The following PUDP variants were observed in gnomAD, a reference collection of about 807,000 sequenced individuals.
PUDP encodes the protein pseudouridine-5'-phosphatase.
Under a neutral mutation model 9.4 loss-of-function variants are expected in PUDP, and 8 were observed. That is an observed-to-expected ratio of 0.85 (90% CI 0.50 to 1.53). The LOEUF is 1.53. Ranked by LOEUF, PUDP falls within the 40% of genes most tolerant of loss-of-function variation. The pLI is 0.00. For synonymous variants in PUDP, 99 were observed against 80.7 expected (o/e 1.23, Z -1.22); for missense variants, 188 against 189.7 (o/e 0.99, Z 0.05).
At chrX:6,932,238 G>A (rs1309158773) in intron 3 of PUDP, among the ~76,000 whole-genome samples, 1 of 111,266 alleles carries the variant, frequency 9.0e-6, no homozygotes. Flanking sequence ...ACAGAGGTGG[G>A]CTTACCTGTG....
intron 2 of PUDP, among the ~76,000 whole-genome samples, chrX:7,093,424 ATTG>A (rs1469189983): frequency 1.2e-4 from 13 of 112,315 alleles, no homozygotes; most frequent in African/African-American, 4.2e-4. Context: ...AGTATTTCTC[ATTG>A]GTTGCTTTGT....
chrX:6,927,537 T>A (rs1928124262), intron 3 of PUDP, among the ~76,000 whole-genome samples: 1 of 112,070 alleles, frequency 8.9e-6, no homozygotes, highest in Admixed American at 9.5e-5. Context: ...GCATCTCACT[T>A]TGTGGGCACC....
At chrX:7,042,105 C>T (rs1435383583) in intron 1 of PUDP, among the ~76,000 whole-genome samples, 1 of 108,683 alleles carries the variant, frequency 9.2e-6, no homozygotes, top group Non-Finnish European at 1.9e-5. Context: ...TTCCCTTCTC[C>T]CTCTTTTCAT....
intron 3 of PUDP, among the ~76,000 whole-genome samples, chrX:6,788,903 C>T (rs1355687364): frequency 8.9e-6 from 1 of 111,909 alleles, no homozygotes; most frequent in Admixed American, 9.5e-5. Context: ...TCTCGACAAA[C>T]GCTCAGGGAA....
chrX:6,766,575 C>T (rs896847280), intron 3 of PUDP, among the ~76,000 whole-genome samples: 10 of 111,394 alleles, frequency 9.0e-5, no homozygotes, highest in East Asian at 8.4e-4. Flanking sequence ...AGGAAGGTTA[C>T]GCAAAGACAT....
chrX:6,735,417 GA>G (rs1463108649), intron 3 of PUDP, among the ~76,000 whole-genome samples: 2 of 111,463 alleles, frequency 1.8e-5, no homozygotes, highest in Non-Finnish European at 3.8e-5. Flanking sequence ...AAAATGTTAT[GA>G]GGTCATTAAA....
In PUDP at chrX:7,105,845, G is replaced by GAA. The variant is rs746181851; in HGVS notation, c.62-9_62-8dup. ...GAATACAGCCGTTCAGTATCTGCAG[G>GAA]AAAAAAAAAAGAGATTTTTAGAGTG... On this transcript the variant is annotated splice_polypyrimidine_tract_variant and splice_region_variant and intron_variant, in intron 1 of 3. Transcript: ENST00000381077. 5.9e-6 allele frequency: 6 copies of GAA among 1,025,476 alleles called. No homozygotes were observed. Among genetic ancestry groups the GAA allele is most frequent in the Admixed American group, 5.8e-5 (2 of 34,189 alleles). The allele number at this position is 1,025,476 out of a possible 1,213,427, so 84.5% of individuals were successfully genotyped here. A position where few individuals can be genotyped will look rare whatever the true frequency, so the allele number is the denominator to read the frequency against.
intron 3 of PUDP, among the ~76,000 whole-genome samples, chrX:6,736,880 T>C (rs1338441983): frequency 9.0e-6 from 1 of 111,389 alleles, no homozygotes; most frequent in Non-Finnish European, 1.9e-5. Flanking sequence ...AGGGTGAAGA[T>C]TCAAAAACCA....
intron 2 of PUDP, among the ~76,000 whole-genome samples, chrX:7,095,248 C>A (rs993761561): frequency 1.8e-5 from 2 of 112,209 alleles, no homozygotes; most frequent in African/African-American, 6.5e-5. Flanking sequence ...TCAGAGGCTG[C>A]AAGCTTTTGG....
At chrX:6,793,343 G>A (rs754328347) in intron 3 of PUDP, among the ~76,000 whole-genome samples, 2 of 111,707 alleles carry the variant, frequency 1.8e-5, no homozygotes, top group Admixed American at 1.9e-4. Context: ...TCTAATCCCC[G>A]CCATGAGGAT....
chrX:6,778,826 C>T (rs894049404), intron 3 of PUDP, among the ~76,000 whole-genome samples: 1 of 112,202 alleles, frequency 8.9e-6, no homozygotes, highest in African/African-American at 3.2e-5. Flanking sequence ...GGAGAGCGTG[C>T]CAGCTGGAGC....
chrX:7,050,512 A>C, intron 3 of PUDP, 40 bp from the exon 4 acceptor site: 1 of 1,120,677 alleles, frequency 8.9e-7, no homozygotes, highest in Non-Finnish European at 1.2e-6. Flanking sequence ...CCTTTTATGG[A>C]ACCAGACATG....
intron 3 of PUDP, among the ~76,000 whole-genome samples, chrX:6,816,482 A>G (rs1480815532): frequency 9.7e-6 from 1 of 102,961 alleles, no homozygotes; most frequent in East Asian, 3.1e-4. Context: ...ACTATATGGT[A>G]TACTATATAC....
chrX:6,759,735 C>T (rs1039570477), intron 3 of PUDP, among the ~76,000 whole-genome samples: 25 of 111,815 alleles, frequency 2.2e-4, no homozygotes, highest in African/African-American at 8.1e-4. Context: ...TGCCTCAGGA[C>T]GTGTTCCCCA....
At chrX:6,795,551 A>G (rs1201365592) in intron 3 of PUDP, among the ~76,000 whole-genome samples, 2 of 111,404 alleles carry the variant, frequency 1.8e-5, no homozygotes, top group East Asian at 2.8e-4. Flanking sequence ...TAGGGACCTG[A>G]CCTGAATACT....
At chrX:6,763,738 T>C (rs888069751) in intron 3 of PUDP, among the ~76,000 whole-genome samples, 3 of 112,092 alleles carry the variant, frequency 2.7e-5, no homozygotes, top group Non-Finnish European at 5.6e-5. Context: ...GTGGTTGACA[T>C]CTGTGAATAT....
intron 3 of PUDP, among the ~76,000 whole-genome samples, chrX:6,788,157 C>A (rs1467682311): frequency 8.9e-6 from 1 of 111,916 alleles, no homozygotes; most frequent in Admixed American, 9.5e-5. Flanking sequence ...AGAAGCCATA[C>A]CTTGAGCACC....
At chrX:6,903,703 A>G (rs1927724636) in intron 3 of PUDP, among the ~76,000 whole-genome samples, 1 of 111,126 alleles carries the variant, frequency 9.0e-6, no homozygotes, top group African/African-American at 3.3e-5. Context: ...AAAATCAAAT[A>G]TTGCAGTTCT....
chrX:6,812,213 A>G (rs1305653747), intron 3 of PUDP, among the ~76,000 whole-genome samples: 1 of 112,102 alleles, frequency 8.9e-6, no homozygotes, highest in Non-Finnish European at 1.9e-5. Context: ...CTTCAGACTC[A>G]AAGCACAAGG....
Sources: allele counts gnomAD v4.1 joint callset (sites outside exome capture counted in the v4.1 genomes callset), GRCh38; gene constraint gnomAD v4.1.1; transcripts MANE v1.5; gene names NCBI Gene and HGNC (gene_info 2026-07-23, HGNC 2026-07-21).